The following SRP19 variants were observed in gnomAD, a reference collection of about 807,000 sequenced individuals.
SRP19 encodes the protein signal recognition particle 19.
Under a neutral mutation model 22.4 loss-of-function variants are expected in SRP19, and 11 were observed. The observed-to-expected ratio is 0.49, with a 90% CI of 0.31 to 0.81. The LOEUF is 0.81. Ranked by LOEUF, SRP19 falls within the 40% of genes least tolerant of loss-of-function variation. SRP19 has a pLI of 0.05. For synonymous variants in SRP19, 61 were observed against 57.6 expected, an observed-to-expected ratio of 1.06 and a Z score of -0.27; for missense variants, 168 against 175.9, an observed-to-expected ratio of 0.96 and a Z score of 0.25.
At chr5:112,867,316 A>G (rs913616791) in intron 4 of SRP19, 88 bp from the exon 5 acceptor site, 165 of 1,422,472 alleles carry the variant, frequency 1.2e-4, no homozygotes, top group Non-Finnish European at 1.4e-4. Context: ...TTGATGTGAT[A>G]GTTTCTTACA....
chr5:112,891,017 A>G (rs959346337), intron 4 of SRP19, among the ~76,000 whole-genome samples: 1 of 150,854 alleles, frequency 6.6e-6, no homozygotes, highest in Admixed American at 6.6e-5. Flanking sequence ...AGAACATGTT[A>G]GCTTTCAGTA....
intron 4 of SRP19, chr5:112,878,453 G>C: frequency 3.8e-6 from 1 of 265,848 alleles, no homozygotes. Context: ...ATGCGTGCAG[G>C]GAGAGCCCAG....
chr5:112,886,195 CAG>C (rs1265237935), intron 4 of SRP19, among the ~76,000 whole-genome samples: 2 of 152,232 alleles, frequency 1.3e-5, no homozygotes, highest in Non-Finnish European at 2.9e-5. Context: ...CAAAACGTCA[CAG>C]AGTGTACAGT....
downstream of SRP19, among the ~76,000 whole-genome samples, chr5:112,874,557 C>T (rs1222870659): frequency 6.6e-6 from 1 of 152,092 alleles, no homozygotes. Flanking sequence ...CAGCCAGGTC[C>T]GAAAACCTCT....
intron 4 of SRP19, among the ~76,000 whole-genome samples, chr5:112,883,790 A>C (rs992481202): frequency 5.3e-5 from 8 of 151,718 alleles, no homozygotes; most frequent in Non-Finnish European, 8.8e-5. Flanking sequence ...CACCCACCAC[A>C]ACCTCCCACC....
At chr5:112,887,718 T>G (rs1230051391) in intron 4 of SRP19, among the ~76,000 whole-genome samples, 2 of 152,164 alleles carry the variant, frequency 1.3e-5, no homozygotes, top group African/African-American at 4.8e-5. Flanking sequence ...TCTTTACAGT[T>G]GTTCTTCATC....
At chr5:112,891,000 T>C (rs1015357381) in intron 4 of SRP19, among the ~76,000 whole-genome samples, 1 of 150,830 alleles carries the variant, frequency 6.6e-6, no homozygotes, top group Non-Finnish European at 1.5e-5. Flanking sequence ...GAAACATTAC[T>C]AACAGGAGAA....
chr5:112,872,705 T>C (rs528495631), downstream of SRP19, among the ~76,000 whole-genome samples: 2 of 152,316 alleles, frequency 1.3e-5, no homozygotes, highest in Non-Finnish European at 2.9e-5. Context: ...ACAACTTCAC[T>C]CTGGGTTCTC....
chr5:112,887,404 G>C (rs1333412529), intron 4 of SRP19, among the ~76,000 whole-genome samples: 1 of 152,124 alleles, frequency 6.6e-6, no homozygotes, highest in African/African-American at 2.4e-5. Flanking sequence ...AAAAACAAAA[G>C]GTAAAACACA....
chr5:112,891,737 G>A (rs749293229), exon 5 of SRP19: 12 of 1,613,974 alleles, frequency 7.4e-6, no homozygotes, highest in Middle Eastern at 3.3e-4. Flanking sequence ...AAGGAGAAAC[G>A]AAAGAAACGT....
intron 4 of SRP19, chr5:112,877,521 G>C (rs1014331514): frequency 2.0e-5 from 3 of 152,164 alleles, no homozygotes; most frequent in Admixed American, 2.0e-4. Context: ...GTCATGTGCA[G>C]CTTATCAACA....
chr5:112,883,003 T>C (rs1093677), intron 4 of SRP19, among the ~76,000 whole-genome samples: 54,515 of 152,104 alleles, frequency 0.36, 10,102 homozygotes, highest in African/African-American at 0.46. Context: ...CTCTACTGTA[T>C]ACTGGATCCT....
chr5:112,861,557 C>A, intron 1 of SRP19, 140 bp downstream of exon 1: 1 of 855,850 alleles, frequency 1.2e-6, no homozygotes, highest in Non-Finnish European at 1.8e-6. Flanking sequence ...CGCGCCTCTC[C>A]CTGGCAGCTC....
chr5:112,861,516 C>G, intron 1 of SRP19, 99 bp downstream of exon 1: 1 of 1,326,638 alleles, frequency 7.5e-7, no homozygotes, highest in Non-Finnish European at 1.0e-6. Context: ...CCAGAATGGC[C>G]TAGCTGATCC....
intron 4 of SRP19, among the ~76,000 whole-genome samples, chr5:112,889,144 T>C (rs1366199941): frequency 6.6e-6 from 1 of 150,804 alleles, no homozygotes; most frequent in African/African-American, 2.5e-5. Flanking sequence ...CTTTCCTTTA[T>C]AAATTGCCCA....
downstream of SRP19, chr5:112,895,352 T>A (rs1768650678): frequency 6.6e-6 from 1 of 151,836 alleles, no homozygotes; most frequent in African/African-American, 2.4e-5. Flanking sequence ...CACAAATTAA[T>A]GTACTTGAAG....
chr5:112,878,543 A>AC (rs1404849465), intron 4 of SRP19: 2 of 504,478 alleles, frequency 4.0e-6, no homozygotes, highest in East Asian at 6.3e-5. Flanking sequence ...ATCTTTTCCT[A>AC]CCCAGAGGCA....
rs1405506965 is a variant in SRP19, at chr5:112,867,656, T to C, written c.*119T>C. On this transcript the variant is annotated 3_prime_UTR_variant, in exon 5 of 5. Transcript: ENST00000505459. ...CATCATTTAACTGAACTGTGAACCC[T>C]TGTGCCTCTCATCTTTATCATCGGA... 10 of 1,378,926 alleles carry C rather than the reference T, an allele frequency of 7.3e-6. No individual in the cohort carries two copies. The highest frequency in any genetic ancestry group is 2.5e-5 in the East Asian group (1 of 39,278). The allele number at this position is 1,378,926 out of a possible 1,614,324, so 85.4% of individuals were successfully genotyped here. A position where few individuals can be genotyped will look rare whatever the true frequency, so the allele number is the denominator to read the frequency against.
chr5:112,881,406 T>G (rs1768071115), intron 4 of SRP19, among the ~76,000 whole-genome samples: 1 of 152,110 alleles, frequency 6.6e-6, no homozygotes, highest in African/African-American at 2.4e-5. Flanking sequence ...CACAAAAACC[T>G]TTCTCCAATT....
Sources: allele counts gnomAD v4.1 joint callset (sites outside exome capture counted in the v4.1 genomes callset), GRCh38; gene constraint gnomAD v4.1.1; transcripts MANE v1.5; gene names NCBI Gene and HGNC (gene_info 2026-07-23, HGNC 2026-07-21).